The following MEGF9 variants were observed in gnomAD, a reference collection of about 807,000 sequenced individuals.
MEGF9 encodes multiple EGF like domains 9.
Under a neutral mutation model 46.8 loss-of-function variants are expected in MEGF9, and 6 were observed. The ratio of observed to expected loss-of-function variants is 0.13; its 90% CI spans 0.07 to 0.25. The LOEUF is 0.25. MEGF9 is among the 10% of genes least tolerant of loss of function. The pLI is 1.00. For missense variants in MEGF9, 683 were observed against 792.4 expected, an observed-to-expected ratio of 0.86 and a Z score of 1.66; for synonymous variants, 302 against 330.7, an observed-to-expected ratio of 0.91 and a Z score of 0.94.
At chr9:120,693,292 A>AAAAAAG (rs781577309) in intron 1 of MEGF9, among the ~76,000 whole-genome samples, 7 of 147,470 alleles carry the variant, frequency 4.7e-5, no homozygotes, top group South Asian at 4.2e-4. Flanking sequence ...AAAAAAAAAA[A>AAAAAAG]AAGAAGAAGA....
chr9:120,669,262 C>T (rs16910000), intron 1 of MEGF9, among the ~76,000 whole-genome samples: 5 of 152,056 alleles, frequency 3.3e-5, no homozygotes, highest in African/African-American at 9.7e-5. Context: ...CAAATTTTCT[C>T]ATATTTCTCC....
intron 1 of MEGF9, among the ~76,000 whole-genome samples, chr9:120,707,154 A>ACTAC (rs2043932654): frequency 2.0e-5 from 3 of 152,182 alleles, no homozygotes; most frequent in Non-Finnish European, 2.9e-5. Context: ...TGTTTTGGAG[A>ACTAC]TTAAATGACT....
At chr9:120,621,936 G>C (rs2132303828) in intron 3 of MEGF9, among the ~76,000 whole-genome samples, 1 of 152,306 alleles carries the variant, frequency 6.6e-6, no homozygotes, top group South Asian at 2.1e-4. Context: ...CTAAAAGACT[G>C]TGAGAGATTT....
At chr9:120,617,080 G>T (rs768022417) in intron 3 of MEGF9, among the ~76,000 whole-genome samples, 5 of 152,102 alleles carry the variant, frequency 3.3e-5, no homozygotes, top group Non-Finnish European at 7.4e-5. Context: ...TAACAATACT[G>T]CCCTAAAACT....
intron 1 of MEGF9, among the ~76,000 whole-genome samples, chr9:120,679,941 A>G (rs2043790962): frequency 6.6e-6 from 1 of 151,278 alleles, no homozygotes; most frequent in Non-Finnish European, 1.5e-5. Context: ...CCGTCTCAAA[A>G]AAAAAAAAAA....
chr9:120,701,118 C>CA (rs1437108749), intron 1 of MEGF9, among the ~76,000 whole-genome samples: 3 of 125,142 alleles, frequency 2.4e-5, no homozygotes, highest in South Asian at 2.5e-4. Flanking sequence ...GACCCTGTCT[C>CA]AAAAAAAAGA....
At chr9:120,638,654 A>G (rs561311754) in intron 2 of MEGF9, among the ~76,000 whole-genome samples, 3 of 152,342 alleles carry the variant, frequency 2.0e-5, no homozygotes, top group Admixed American at 6.5e-5. Flanking sequence ...ATTCTCGCCA[A>G]TACTTGACGC....
At chr9:120,626,565 T>C (rs1255422514) in intron 2 of MEGF9, among the ~76,000 whole-genome samples, 1 of 152,200 alleles carries the variant, frequency 6.6e-6, no homozygotes, top group Non-Finnish European at 1.5e-5. Flanking sequence ...TACATATCTA[T>C]GTCACATGAA....
chr9:120,635,898 G>A (rs75725732), intron 2 of MEGF9, among the ~76,000 whole-genome samples: 2,985 of 152,128 alleles, frequency 0.02, 110 homozygotes, highest in African/African-American at 0.069. Flanking sequence ...TATTTCTGGT[G>A]TCCCTGTGTT....
In MEGF9 at chr9:120,713,929, C is replaced by A; in HGVS notation, c.430G>T (p.Ala144Ser). ...GTGGTCGTCGAAAGGGTGGTCGGCG[C>A]GGGTCTGGTCGGCGCCTGAGAGGTG... ...STTSQAPTRP[A>S]PTTLSTTTGP... The change falls in exon 1 of 6, where the codon GCG (alanine) becomes TCG (serine). Residue 144 changes from alanine to serine, a missense_variant. Ala to Ser is a moderately conservative substitution (Grantham distance 99). This residue lies in a region of MEGF9 where 370 missense variants were observed against 371.3 expected (regional missense o/e 1.00). Coordinates refer to ENST00000373930, the MANE Select transcript of MEGF9 (RefSeq NM_001080497.3). 7.4e-7 allele frequency: 1 copy of A among 1,356,882 alleles called. No homozygotes were observed. The highest frequency in any genetic ancestry group is 9.5e-7 in the Non-Finnish European group (1 of 1,049,546). 84.1% of individuals were successfully genotyped at this position (1,356,882 alleles called of 1,614,324 possible). A position where few individuals can be genotyped will look rare whatever the true frequency, so the allele number is the denominator to read the frequency against.
chr9:120,679,275 C>G (rs761427061), intron 1 of MEGF9, among the ~76,000 whole-genome samples: 31 of 152,222 alleles, frequency 2.0e-4, no homozygotes, highest in Non-Finnish European at 4.1e-4. Flanking sequence ...ACATATACAC[C>G]ATGGAATACT....
intron 1 of MEGF9, among the ~76,000 whole-genome samples, chr9:120,693,370 A>C (rs1230264239): frequency 6.6e-6 from 1 of 152,162 alleles, no homozygotes; most frequent in Non-Finnish European, 1.5e-5. Context: ...AGGAAACAGA[A>C]AGCAACAGCA....
At chr9:120,651,613 T>C (rs1028218066) in intron 2 of MEGF9, among the ~76,000 whole-genome samples, 1 of 152,152 alleles carries the variant, frequency 6.6e-6, no homozygotes, top group African/African-American at 2.4e-5. Context: ...GCTATTATTA[T>C]TCTAAAATAT....
intron 1 of MEGF9, among the ~76,000 whole-genome samples, chr9:120,685,018 T>A (rs943458263): frequency 6.6e-6 from 1 of 152,228 alleles, no homozygotes; most frequent in South Asian, 2.1e-4. Context: ...GTATTTTTAG[T>A]AGAGACAGGA....
chr9:120,623,607 G>T (rs940202857), intron 2 of MEGF9, among the ~76,000 whole-genome samples: 7 of 152,084 alleles, frequency 4.6e-5, no homozygotes, highest in Admixed American at 4.6e-4. Context: ...TATCAAGCAT[G>T]AATCTATGAA....
At chr9:120,651,877 T>C (rs2132318582) in intron 2 of MEGF9, among the ~76,000 whole-genome samples, 1 of 151,648 alleles carries the variant, frequency 6.6e-6, no homozygotes, top group African/African-American at 2.4e-5. Flanking sequence ...GGTCTCGAAC[T>C]CCTGACCTCA....
chr9:120,675,228 T>C (rs943030604), intron 1 of MEGF9, among the ~76,000 whole-genome samples: 4 of 152,142 alleles, frequency 2.6e-5, no homozygotes, highest in Non-Finnish European at 4.4e-5. Context: ...GGCTAAACCA[T>C]GGTCCTTTTT....
At position 120,714,368 on chromosome 9, in the gene MEGF9, C is replaced by T; in HGVS notation, c.-10G>A. ...CGGCTCCGCCATTCATTCATTCAGC[C>T]AGTCGGTTGGTCAGTCATCTTCTCC... On this transcript the variant is annotated 5_prime_UTR_variant, in exon 1 of 6. Transcript: ENST00000373930. 7.6e-7 allele frequency: 1 copy of T among 1,316,416 alleles called. No homozygotes were observed. 81.5% of individuals were successfully genotyped at this position (1,316,416 alleles called of 1,614,324 possible).
intron 3 of MEGF9, 102 bp downstream of exon 3, chr9:120,622,514 G>C: frequency 3.3e-6 from 4 of 1,225,136 alleles, no homozygotes; most frequent in Admixed American, 2.5e-5. Context: ...GAAGATAAAG[G>C]CCCTTCCAAA....
Sources: allele counts gnomAD v4.1 joint callset (sites outside exome capture counted in the v4.1 genomes callset), GRCh38; gene constraint gnomAD v4.1.1; regional missense constraint gnomAD v4.1.1; transcripts MANE v1.5; gene names NCBI Gene and HGNC (gene_info 2026-07-23, HGNC 2026-07-21).